NAPA: variants seen among roughly 807,000 people sequenced by gnomAD.
The protein encoded by NAPA is alpha-soluble NSF attachment protein.
Under a neutral mutation model 48.0 loss-of-function variants are expected in NAPA, and 18 were observed. That is an observed-to-expected ratio of 0.38 (90% CI 0.26 to 0.56). The LOEUF is 0.56. Among genes scored for constraint, NAPA ranks in the 20% least tolerant of loss-of-function variants. NAPA has a pLI of 0.77. For missense variants in NAPA, 315 were observed against 385.0 expected (o/e 0.82, Z 1.52); for synonymous variants, 152 against 149.9 (o/e 1.01, Z -0.10).
At chr19:47,490,318 T>C (rs1168522200) in intron 9 of NAPA, among the ~76,000 whole-genome samples, 1 of 136,306 alleles carries the variant, frequency 7.3e-6, no homozygotes, top group Non-Finnish European at 1.6e-5. Context: ...CGTGTGTGTG[T>C]AGTGTGTGTG....
chr19:47,495,301 C>G (rs1236834491), intron 4 of NAPA: 9 of 570,220 alleles, frequency 1.6e-5, no homozygotes, highest in East Asian at 2.9e-5. Context: ...GCTCAATAAC[C>G]TAAGTTCTAT....
rs1968188716 is a variant in NAPA, at chr19:47,489,773, T to C, written c.736-12A>G. ...GCCTCTAGCAATTTCTGCAAGCAAATGGCAGAGAGGGGTCAGGGGCCTATG... is the reference window on the plus strand; with the variant it reads ...GCCTCTAGCAATTTCTGCAAGCAAACGGCAGAGAGGGGTCAGGGGCCTATG... On this transcript the variant is annotated splice_polypyrimidine_tract_variant and intron_variant, in intron 9 of 10. Coordinates refer to ENST00000263354, the MANE Select transcript of NAPA (RefSeq NM_003827.4). The C allele has an allele frequency of 6.2e-7, 1 of 1,613,798 alleles. No individual in the cohort carries two copies.
intron 1 of NAPA, 71 bp downstream of exon 1, chr19:47,514,772 C>T (rs1968873507): frequency 1.4e-6 from 2 of 1,475,124 alleles, no homozygotes; most frequent in Non-Finnish European, 9.4e-7. Context: ...TGCCCTAACC[C>T]GCCACCTCCG....
At chr19:47,492,435 T>G in intron 7 of NAPA, 1 of 428,728 alleles carries the variant, frequency 2.3e-6, no homozygotes, top group South Asian at 2.4e-5. Flanking sequence ...GAGGCTGGCA[T>G]GGCGGTGGGC....
At chr19:47,495,673 G>T in intron 3 of NAPA, 77 bp from the exon 4 acceptor site, 1 of 1,426,248 alleles carries the variant, frequency 7.0e-7, no homozygotes, top group Non-Finnish European at 9.9e-7. Context: ...GGAGGCGGAC[G>T]CAGGCGCACC....
At chr19:47,494,796 G>C (rs1416890403) in intron 4 of NAPA, among the ~76,000 whole-genome samples, 3 of 151,682 alleles carry the variant, frequency 2.0e-5, no homozygotes, top group African/African-American at 7.3e-5. Flanking sequence ...CCCCGGCCTG[G>C]GTGGGACCCT....
chr19:47,500,136 C>A (rs1388608010), intron 3 of NAPA, among the ~76,000 whole-genome samples: 1 of 152,204 alleles, frequency 6.6e-6, no homozygotes, highest in Non-Finnish European at 1.5e-5. Context: ...TGTTCTCTGG[C>A]AACTACATCT....
At chr19:47,486,311 C>T (rs570182866), downstream of NAPA, among the ~76,000 whole-genome samples, 11 of 152,052 alleles carry the variant, frequency 7.2e-5, no homozygotes, top group South Asian at 1.5e-3. Context: ...ACCAAGATCG[C>T]ACCACTGCAC....
chr19:47,509,063 A>G (rs1294600328), intron 1 of NAPA, among the ~76,000 whole-genome samples: 1 of 152,032 alleles, frequency 6.6e-6, no homozygotes, highest in African/African-American at 2.4e-5. Flanking sequence ...GCAACAGAAC[A>G]AGACCCTGTC....
Position 47,503,464 on chromosome 19 carries a change from G to C in NAPA, c.137C>G (p.Ala46Gly). 3 of 1,614,246 alleles carry C rather than the reference G, an allele frequency of 1.9e-6. No homozygotes were observed. Among genetic ancestry groups the C allele is most frequent in the Non-Finnish European group, 2.5e-6 (3 of 1,180,036 alleles). ...SKIEEACEIY[A>G]RAANMFKMAK... Reference sequence around the variant, plus strand: ...CATTTTGAACATGTTTGCTGCTCTGGCGTAGATTTCGCATGCTTCCTCTAT... The same window carrying C: ...CATTTTGAACATGTTTGCTGCTCTGCCGTAGATTTCGCATGCTTCCTCTAT... The change falls in exon 2 of 11, where the codon GCC (alanine) becomes GGC (glycine). Residue 46 changes from alanine (A) to glycine (G), a missense_variant. Ala to Gly is a moderately conservative substitution (Grantham distance 60). Around this residue, in one of 3 missense-constraint regions of NAPA, gnomAD observed 173 missense variants for 213.5 expected, o/e 0.81. Coordinates refer to ENST00000263354, the MANE Select transcript of NAPA (RefSeq NM_003827.4).
chr19:47,500,219 G>A (rs1189924871), intron 3 of NAPA, among the ~76,000 whole-genome samples: 2 of 151,998 alleles, frequency 1.3e-5, no homozygotes, highest in Admixed American at 6.6e-5. Flanking sequence ...CTCCTTTTTC[G>A]GCAGCAACTC....
In NAPA at chr19:47,493,709, G is replaced by A. The variant is rs1184840640; in HGVS notation, c.343-216C>T. 2.8e-5 allele frequency: 16 copies of A among 568,226 alleles called. No homozygotes were observed. Among genetic ancestry groups the A allele is most frequent in the Non-Finnish European group, 4.4e-5 (14 of 314,922 alleles). 35.2% of individuals were successfully genotyped at this position (568,226 alleles called of 1,614,324 possible). A position where few individuals can be genotyped will look rare whatever the true frequency, so the allele number is the denominator to read the frequency against. On this transcript the variant is annotated intron_variant, in intron 4 of 10. Coordinates refer to ENST00000263354, the MANE Select transcript of NAPA (RefSeq NM_003827.4). This position sits in a 1 kb window ranked among gnomAD's most constrained non-coding sequence, Gnocchi z 6.4. Reference sequence around the variant, plus strand: ...CCTGGCTATGCGTGCTGGGCTGAGCGGGTGATGTTGGACAAGCCACTCCAG... The same window carrying A: ...CCTGGCTATGCGTGCTGGGCTGAGCAGGTGATGTTGGACAAGCCACTCCAG...
chr19:47,504,781 C>T (rs1968661626), intron 1 of NAPA, among the ~76,000 whole-genome samples: 1 of 151,856 alleles, frequency 6.6e-6, no homozygotes, highest in Admixed American at 6.6e-5. Flanking sequence ...TTATATTTGG[C>T]CCTGTGGTCC....
chr19:47,511,057 G>A (rs1331044691), intron 1 of NAPA, among the ~76,000 whole-genome samples: 1 of 152,216 alleles, frequency 6.6e-6, no homozygotes, highest in South Asian at 2.1e-4. Context: ...TGCGTCCCAG[G>A]TGCGGGCTCT....
intron 1 of NAPA, among the ~76,000 whole-genome samples, chr19:47,514,375 A>G (rs1036421229): frequency 6.6e-6 from 1 of 151,924 alleles, no homozygotes; most frequent in African/African-American, 2.4e-5. Flanking sequence ...AGGCGTCCTC[A>G]GCCCCAGGCC....
At chr19:47,488,607 A>T in intron 10 of NAPA, 3 of 349,906 alleles carry the variant, frequency 8.6e-6, no homozygotes, top group African/African-American at 2.3e-5. Context: ...GGAGAAAGAT[A>T]TTGTAGCTTT....
intron 1 of NAPA, among the ~76,000 whole-genome samples, chr19:47,507,761 C>T (rs1968721650): frequency 6.6e-6 from 1 of 152,222 alleles, no homozygotes; most frequent in Admixed American, 6.5e-5. Flanking sequence ...AGGCACTCCC[C>T]TGGAAGGAGC....
intron 9 of NAPA, among the ~76,000 whole-genome samples, chr19:47,490,491 G>C (rs1968229225): frequency 2.4e-5 from 2 of 83,564 alleles, no homozygotes; most frequent in Admixed American, 3.0e-4. Flanking sequence ...GTGGTGTGGT[G>C]TGATGTGTGT....
In NAPA at chr19:47,492,861, CG is replaced by C. The variant is rs765957665; in HGVS notation, c.561+99del. The C allele has an allele frequency of 1.9e-5, 20 of 1,079,014 alleles. No individual in the cohort carries two copies. In the African/African-American group the frequency reaches 1.9e-4, roughly 10 times the overall value. 66.8% of individuals were successfully genotyped at this position (1,079,014 alleles called of 1,614,324 possible). ...GTCGGGGGAGAGGCAGAGGGTGAGC[CG>C]GGGGAGGGGTGGTTCCAGAACAAGG... On this transcript the variant is annotated intron_variant, in intron 7 of 10. Coordinates refer to ENST00000263354, the MANE Select transcript of NAPA (RefSeq NM_003827.4).
Sources: gnomAD v4.1 joint callset for allele counts (sites outside exome capture counted in the v4.1 genomes callset) on GRCh38, gnomAD v4.1.1 for gene constraint, gnomAD v4.1.1 regional missense constraint, Gnocchi (gnomAD v3.1) non-coding constraint, MANE v1.5 for transcripts, NCBI Gene and HGNC (gene_info 2026-07-23, HGNC 2026-07-21) for gene names.